Variants in EML2 observed in about 807,000 individuals in gnomAD.
EML2 encodes echinoderm microtubule-associated protein-like 2.
In EML2, 59 loss-of-function variants were observed where a neutral mutation model predicts 84.7. That is an observed-to-expected ratio of 0.70 (90% CI 0.56 to 0.86). The LOEUF (loss-of-function observed/expected upper bound fraction) is 0.86, where lower values mean the gene tolerates loss of function less well. Among genes scored for constraint, EML2 ranks in the 40% least tolerant of loss-of-function variants. The pLI, the probability that EML2 is intolerant of heterozygous loss-of-function variation, is 0.00. For synonymous variants in EML2, 352 were observed against 348.9 expected, an observed-to-expected ratio of 1.01 and a Z score of -0.10; for missense variants, 818 against 855.6, an observed-to-expected ratio of 0.96 and a Z score of 0.55.
At chr19:45,621,455 C>T (rs777547499) in intron 10 of EML2, 28 bp downstream of exon 10, 1 of 1,601,372 alleles carries the variant, frequency 6.2e-7, no homozygotes, top group Non-Finnish European at 8.5e-7. Flanking sequence ...CCTCTCTACC[C>T]CCATCTGAGC....
intron 13 of EML2, 138 bp downstream of exon 13, chr19:45,617,492 A>T: frequency 2.8e-6 from 2 of 708,392 alleles, no homozygotes; most frequent in Non-Finnish European, 2.3e-6. Context: ...TGGGAGGCAG[A>T]GGCTGCAGTG....
chr19:45,613,785 C>T (rs896458838), intron 17 of EML2, 114 bp from the exon 18 acceptor site: 1 of 1,323,658 alleles, frequency 7.6e-7, no homozygotes, highest in East Asian at 2.4e-5. Flanking sequence ...CTGTATCTAT[C>T]CGAGGATATG....
intron 6 of EML2, 59 bp downstream of exon 6, chr19:45,632,802 G>A (rs1973220423): frequency 6.9e-7 from 1 of 1,457,624 alleles, no homozygotes; most frequent in Admixed American, 1.9e-5. Context: ...GAAAAGGTGC[G>A]GGCACTTGCC....
chr19:45,619,240 TC>T (rs775686048), intron 11 of EML2, 49 bp from the exon 12 acceptor site: 1 of 1,572,400 alleles, frequency 6.4e-7, no homozygotes, highest in African/African-American at 1.3e-5. Flanking sequence ...CCTGGCCTTT[TC>T]CCACTCAACA....
At chr19:45,614,524 A>C in intron 17 of EML2, 81 bp downstream of exon 17, 1 of 1,201,672 alleles carries the variant, frequency 8.3e-7, no homozygotes, top group Non-Finnish European at 1.2e-6. Context: ...GGAGGTAAGC[A>C]GTAAGACTCT....
chr19:45,637,371 G>C (rs1203941622), intron 3 of EML2, among the ~76,000 whole-genome samples: 3 of 151,884 alleles, frequency 2.0e-5, no homozygotes, highest in African/African-American at 7.3e-5. Context: ...GTAGGCCTCA[G>C]AGCTCTTGGA....
upstream of EML2, chr19:45,644,906 TC>T: frequency 2.3e-6 from 1 of 428,350 alleles, no homozygotes; most frequent in Non-Finnish European, 4.7e-6. Flanking sequence ...CCTCTGTCTG[TC>T]CCCCTGCTAT....
At chr19:45,627,787 C>T (rs552979730) in intron 7 of EML2, among the ~76,000 whole-genome samples, 10 of 152,012 alleles carry the variant, frequency 6.6e-5, no homozygotes, top group South Asian at 2.1e-4. Context: ...TCAGGCTGGG[C>T]GTGGTGGTTC....
chr19:45,622,438 A>G (rs112541573), intron 9 of EML2, among the ~76,000 whole-genome samples: 10 of 151,648 alleles, frequency 6.6e-5, no homozygotes, highest in South Asian at 4.2e-4. Flanking sequence ...GTTTTGTTTT[A>G]TTTTGTTTTT....
chr19:45,643,720 T>C (rs558100479), upstream of EML2: 175 of 1,531,926 alleles, frequency 1.1e-4, 1 homozygote, highest in South Asian at 1.9e-3. Flanking sequence ...CCCTCTGGGC[T>C]CCGCAGTGCA....
intron 11 of EML2, among the ~76,000 whole-genome samples, chr19:45,619,786 G>C (rs1971486098): frequency 1.3e-5 from 2 of 152,198 alleles, no homozygotes; most frequent in South Asian, 4.1e-4. Context: ...CAGGTGCGGT[G>C]GCTCACGCCG....
At chr19:45,643,686 C>T (rs1456864454), upstream of EML2, 30 of 1,535,562 alleles carry the variant, frequency 2.0e-5, no homozygotes, top group Non-Finnish European at 2.4e-5. Flanking sequence ...CCTGCCATCC[C>T]GCGTCCACAG....
At chr19:45,643,556 C>T (rs1294300269), upstream of EML2, 1 of 1,536,052 alleles carries the variant, frequency 6.5e-7, no homozygotes, top group Non-Finnish European at 8.7e-7. Context: ...CCCTCTCCCC[C>T]TTTTCCCGCA....
chr19:45,633,214 C>T, intron 4 of EML2, 75 bp from the exon 5 acceptor site: 1 of 1,452,758 alleles, frequency 6.9e-7, no homozygotes, highest in Non-Finnish European at 9.5e-7. Context: ...GACATTCATT[C>T]CACAAATTGG....
At chr19:45,616,587 A>C in intron 14 of EML2, 29 bp from the exon 15 acceptor site, 2 of 1,562,426 alleles carry the variant, frequency 1.3e-6, no homozygotes, top group Non-Finnish European at 1.8e-6. Flanking sequence ...GGCTATGAGG[A>C]GGCACCCAGG....
upstream of EML2, among the ~76,000 whole-genome samples, chr19:45,645,113 A>AC (rs1206574917): frequency 1.3e-5 from 2 of 151,812 alleles, no homozygotes; most frequent in African/African-American, 4.8e-5. Context: ...GGTTTTGGGG[A>AC]CCAGGGACCT....
chr19:45,620,626 T>C (rs896500631), intron 11 of EML2, among the ~76,000 whole-genome samples: 1 of 151,350 alleles, frequency 6.6e-6, no homozygotes, highest in African/African-American at 2.4e-5. Flanking sequence ...GGAGAATCAC[T>C]TGAAGCGGGA....
chr19:45,625,573 G>A (rs1972214579), intron 8 of EML2, among the ~76,000 whole-genome samples: 2 of 151,996 alleles, frequency 1.3e-5, no homozygotes. Context: ...TCCTGTCGGC[G>A]CCTCATTCAT....
chr19:45,636,921 T>C (rs79063055), intron 3 of EML2, among the ~76,000 whole-genome samples: 1 of 152,396 alleles, frequency 6.6e-6, no homozygotes, highest in South Asian at 2.1e-4. Flanking sequence ...CACTCTAGCC[T>C]GGGTGTCTCA....
Sources: gnomAD v4.1 joint callset for allele counts (sites outside exome capture counted in the v4.1 genomes callset) on GRCh38, gnomAD v4.1.1 for gene constraint, MANE v1.5 for transcripts, NCBI Gene and HGNC (gene_info 2026-07-23, HGNC 2026-07-21) for gene names.